The following CNIH2 variants were observed in gnomAD, a reference collection of about 807,000 sequenced individuals.
CNIH2 encodes protein cornichon homolog 2.
A neutral mutation model predicts 22.9 loss-of-function variants in CNIH2; 8 were observed. The ratio of observed to expected loss-of-function variants is 0.35; its 90% CI spans 0.20 to 0.63. The LOEUF is 0.63. CNIH2 is among the 30% of genes least tolerant of loss of function. The pLI, the probability that CNIH2 is intolerant of heterozygous loss-of-function variation, is 0.72. For missense variants in CNIH2, 105 were observed against 206.2 expected, an observed-to-expected ratio of 0.51 and a Z score of 3.01; for synonymous variants, 74 against 78.2, an observed-to-expected ratio of 0.95 and a Z score of 0.28.
At chr11:66,279,541 C>T (rs919946500) in intron 1 of CNIH2, among the ~76,000 whole-genome samples, 1 of 151,972 alleles carries the variant, frequency 6.6e-6, no homozygotes, top group Non-Finnish European at 1.5e-5. Context: ...ACACCTCCCG[C>T]GCACACCTCC....
chr11:66,279,846 C>T (rs1242511826), intron 1 of CNIH2, among the ~76,000 whole-genome samples: 1 of 152,210 alleles, frequency 6.6e-6, no homozygotes, highest in African/African-American at 2.4e-5. Flanking sequence ...CCTGTCACTC[C>T]TTGGCCTGGC....
At chr11:66,281,216 T>C (rs1857254410) in intron 1 of CNIH2, among the ~76,000 whole-genome samples, 1 of 152,192 alleles carries the variant, frequency 6.6e-6, no homozygotes, top group South Asian at 2.1e-4. Flanking sequence ...CTTGCTGGTC[T>C]GGCCTGAGTA....
At chr11:66,282,423 T>TCAGGGGGGGGGGGGGGG in intron 2 of CNIH2, 96 bp downstream of exon 2, 1 of 147,068 alleles carries the variant, frequency 6.8e-6, no homozygotes, top group East Asian at 1.1e-4. Context: ...GGGGGTGGGG[T>TCAGGGGGGGGGGGGGGG]GGGGGGCCTA....
chr11:66,282,860 C>A, intron 3 of CNIH2, 80 bp downstream of exon 3: 1 of 1,512,396 alleles, frequency 6.6e-7, no homozygotes. Flanking sequence ...AGGCCTTCCC[C>A]TGCTTTGGGC....
chr11:66,278,495 C>A lies in CNIH2; in HGVS notation c.39C>A (p.Thr13=). ...TCGCCGCGTTCTGCTACATGCTCAC[C>A]CTGGTGCTGTGCGCCTCCCTCATCT... The part of the protein sequence containing the change: ...FTFAAFCYML[T]LVLCASLIFF... Residue 13 remains threonine, a synonymous_variant, in exon 1 of 6, where the codon ACC becomes ACA. Coordinates refer to ENST00000311445, the MANE Select transcript of CNIH2 (RefSeq NM_182553.3). 6.5e-7 allele frequency: 1 copy of A among 1,543,896 alleles called. No homozygotes were observed. Among genetic ancestry groups the A allele is most frequent in the East Asian group, 2.6e-5 (1 of 38,624 alleles).
chr11:66,282,411 A>T, intron 2 of CNIH2, 84 bp downstream of exon 2: 1 of 94,874 alleles, frequency 1.1e-5, no homozygotes, highest in Non-Finnish European at 2.0e-5. Flanking sequence ...AGACGGGAAG[A>T]CGGGGGTGGG....
At chr11:66,282,682 C>T (rs918418270) in intron 2 of CNIH2, 51 bp from the exon 3 acceptor site, 1 of 1,607,134 alleles carries the variant, frequency 6.2e-7, no homozygotes, top group Non-Finnish European at 8.5e-7. Context: ...GGAGCTGCTC[C>T]AGTACCTGCT....
At position 66,278,409 on chromosome 11, in the gene CNIH2, C is replaced by T; in HGVS notation, c.-48C>T. Reference sequence around the variant, plus strand: ...CGGGCCGGGGGGCGTCCCCTTGCGCCCGGGCCCCGCGCTGGCGCCCCCCGG... The same window carrying T: ...CGGGCCGGGGGGCGTCCCCTTGCGCTCGGGCCCCGCGCTGGCGCCCCCCGG... On this transcript the variant is annotated 5_prime_UTR_variant, in exon 1 of 6. Transcript: ENST00000311445. 4 of 917,616 alleles carry T rather than the reference C, an allele frequency of 4.4e-6. No individual in the cohort carries two copies. Among genetic ancestry groups the T allele is most frequent in the Non-Finnish European group, 5.3e-6 (4 of 751,482 alleles). The allele number at this position is 917,616 out of a possible 1,614,324, so 56.8% of individuals were successfully genotyped here. A position where few individuals can be genotyped will look rare whatever the true frequency, so the allele number is the denominator to read the frequency against.
intron 1 of CNIH2, 49 bp from the exon 2 acceptor site, chr11:66,282,210 G>A: frequency 6.6e-7 from 1 of 1,504,024 alleles, no homozygotes; most frequent in South Asian, 1.1e-5. Context: ...CTTGGGGGAA[G>A]GCCATAAGCT....
chr11:66,283,812 CAG>C lies in CNIH2; in HGVS notation c.*216_*217del, dbSNP rs943918733. On this transcript the variant is annotated 3_prime_UTR_variant, in exon 6 of 6. Transcript: ENST00000311445. ...TAGAGCGGCTGGGCAGAGCTCTAAACAGGGGCAGGGGCTCCTCTGCCAGCCTG... is the reference window on the plus strand; with the variant it reads ...TAGAGCGGCTGGGCAGAGCTCTAAACGGGCAGGGGCTCCTCTGCCAGCCTG... 1.6e-4 allele frequency: 90 copies of C among 566,650 alleles called. No individual in the cohort carries two copies. In the East Asian group the frequency reaches 2.3e-3, roughly 14 times the overall value. 35.1% of individuals were successfully genotyped at this position (566,650 alleles called of 1,614,324 possible).
chr11:66,282,172 C>T (rs1367317006), intron 1 of CNIH2, 87 bp from the exon 2 acceptor site: 10 of 1,198,538 alleles, frequency 8.3e-6, no homozygotes, highest in East Asian at 2.3e-5. Context: ...CTGGCTGGTC[C>T]TCTTCAGTAA....
Position 66,278,211 on chromosome 11 carries a change from C to T in CNIH2, c.-246C>T, listed in dbSNP as rs1386041072. ...TTCGCGGGCTGGAGAGCGAGGGAGCCGCGGGCGAGGGATCGCAGGATGAGC... is the reference window on the plus strand; with the variant it reads ...TTCGCGGGCTGGAGAGCGAGGGAGCTGCGGGCGAGGGATCGCAGGATGAGC... On this transcript the variant is annotated 5_prime_UTR_variant, in exon 1 of 6. Transcript: ENST00000311445. 2 of 147,982 alleles carry T rather than the reference C, an allele frequency of 1.4e-5. No homozygotes were observed. The highest frequency in any genetic ancestry group is 4.9e-5 in the African/African-American group (2 of 41,004). 9.2% of individuals were successfully genotyped at this position (147,982 alleles called of 1,614,324 possible). A position where few individuals can be genotyped will look rare whatever the true frequency, so the allele number is the denominator to read the frequency against.
rs757879758 is a variant in CNIH2 at position 66,282,799 on chromosome 11, G to A, written c.198+19G>A. 1.0e-5 allele frequency: 16 copies of A among 1,604,534 alleles called. No individual in the cohort carries two copies. Among genetic ancestry groups the A allele is most frequent in the Non-Finnish European group, 1.4e-5 (16 of 1,175,914 alleles). On this transcript the variant is annotated intron_variant, in intron 3 of 5. Coordinates refer to ENST00000311445, the MANE Select transcript of CNIH2 (RefSeq NM_182553.3). Reference sequence around the variant, plus strand: ...GAGGAAGGTCAGTGTCAGGGCTGGGGGCAGGAGGCTCCTAGCCCAGCGCTG... The same window carrying A: ...GAGGAAGGTCAGTGTCAGGGCTGGGAGCAGGAGGCTCCTAGCCCAGCGCTG...
At position 66,283,154 on chromosome 11, in the gene CNIH2, G is replaced by A; in HGVS notation, c.311+7G>A. 6.2e-7 allele frequency: 1 copy of A among 1,613,706 alleles called. No homozygotes were observed. The highest frequency in any genetic ancestry group is 8.5e-7 in the Non-Finnish European group (1 of 1,179,740). On this transcript the variant is annotated splice_region_variant and intron_variant, in intron 4 of 5. Coordinates refer to ENST00000311445, the MANE Select transcript of CNIH2 (RefSeq NM_182553.3). ...TCTTCTACCACCTCTGGAGGTGAGG[G>A]TAGCAGCTGCCTTGGGGAGGCTGAG...
At chr11:66,279,275 T>C (rs1857221515) in intron 1 of CNIH2, among the ~76,000 whole-genome samples, 1 of 151,850 alleles carries the variant, frequency 6.6e-6, no homozygotes, top group Non-Finnish European at 1.5e-5. Flanking sequence ...AAAATGTCCA[T>C]TCCTCATCCT....
At chr11:66,283,176 T>C (rs374970154) in intron 4 of CNIH2, 29 bp downstream of exon 4, 102 of 1,612,728 alleles carry the variant, frequency 6.3e-5, no homozygotes, top group Non-Finnish European at 6.6e-5. Context: ...TTGGGGAGGC[T>C]GAGATGGGGA....
chr11:66,282,738 G>C lies in CNIH2; in HGVS notation c.156G>C (p.Glu52Asp). 1 of 1,613,708 alleles carries C rather than the reference G, an allele frequency of 6.2e-7. No individual in the cohort carries two copies. The highest frequency in any genetic ancestry group is 8.5e-7 in the Non-Finnish European group (1 of 1,179,976). Residue 52 changes from glutamate (E) to aspartate (D), a missense_variant, in exon 3 of 6, where the codon GAG (glutamate) becomes GAC (aspartate). By Grantham distance (45) the Glu-to-Asp change is conservative. Transcript: ENST00000311445. ...CCTTTTCCTTCCCCCAACAGCGCGA[G>C]CGTTTAAAAAACATCGAACGCATCT... Reference protein sequence around the residue: ...IDQGNPARARERLKNIERICC... With the variant: ...IDQGNPARARDRLKNIERICC...
chr11:66,278,492 C>A lies in CNIH2; in HGVS notation c.36C>A (p.Leu12=). 6.6e-7 allele frequency: 1 copy of A among 1,526,090 alleles called. No homozygotes were observed. 94.5% of individuals were successfully genotyped at this position (1,526,090 alleles called of 1,614,324 possible). The change falls in exon 1 of 6, where the codon CTC becomes CTA. Residue 12 remains leucine, a synonymous_variant. Coordinates refer to ENST00000311445, the MANE Select transcript of CNIH2 (RefSeq NM_182553.3). ...AFTFAAFCYM[L]TLVLCASLIF... Reference sequence around the variant, plus strand: ...CCTTCGCCGCGTTCTGCTACATGCTCACCCTGGTGCTGTGCGCCTCCCTCA... The same window carrying A: ...CCTTCGCCGCGTTCTGCTACATGCTAACCCTGGTGCTGTGCGCCTCCCTCA...
chr11:66,282,510 G>T (rs1281777096), intron 2 of CNIH2, 183 bp downstream of exon 2: 4 of 884,192 alleles, frequency 4.5e-6, no homozygotes, highest in Non-Finnish European at 5.3e-6. Flanking sequence ...TCCTCTTGGC[G>T]GGGCGGTGGT....
Sources: gnomAD v4.1 joint callset for allele counts (sites outside exome capture counted in the v4.1 genomes callset) on GRCh38, gnomAD v4.1.1 for gene constraint, MANE v1.5 for transcripts, NCBI Gene and HGNC (gene_info 2026-07-23, HGNC 2026-07-21) for gene names.